The following CLYBL variants were observed in gnomAD, a reference collection of about 807,000 sequenced individuals.
The protein encoded by CLYBL is citramalyl-CoA lyase, mitochondrial.
A neutral mutation model predicts 38.9 loss-of-function variants in CLYBL; 31 were observed. That is an observed-to-expected ratio of 0.80 (90% CI 0.60 to 1.08). The LOEUF is 1.08. CLYBL is among the 50% of genes least tolerant of loss of function. The pLI, the probability that CLYBL is intolerant of heterozygous loss-of-function variation, is 0.00. For synonymous variants in CLYBL, 171 were observed against 158.6 expected (o/e 1.08, Z -0.59); for missense variants, 434 against 411.6 (o/e 1.05, Z -0.47).
At chr13:99,792,349 G>T (rs909909443) in intron 2 of CLYBL, among the ~76,000 whole-genome samples, 1 of 152,122 alleles carries the variant, frequency 6.6e-6, no homozygotes, top group African/African-American at 2.4e-5. Context: ...GGTGGGCTGG[G>T]ATTGTCTGGG....
At chr13:99,664,220 T>C (rs1375438552) in intron 1 of CLYBL, among the ~76,000 whole-genome samples, 1 of 152,260 alleles carries the variant, frequency 6.6e-6, no homozygotes, top group East Asian at 1.9e-4. Context: ...GTGTTCTTAG[T>C]ATTCTGAACT....
chr13:99,802,624 A>G (rs2050157483), intron 2 of CLYBL, among the ~76,000 whole-genome samples: 1 of 152,212 alleles, frequency 6.6e-6, no homozygotes, highest in Non-Finnish European at 1.5e-5. Context: ...AAATGAATGC[A>G]TGTATGAATG....
intron 1 of CLYBL, among the ~76,000 whole-genome samples, chr13:99,739,268 C>T (rs1265956343): frequency 6.6e-6 from 1 of 152,074 alleles, no homozygotes; most frequent in Admixed American, 6.6e-5. Context: ...CTTAGACACA[C>T]CGTGTGAACT....
intron 1 of CLYBL, among the ~76,000 whole-genome samples, chr13:99,725,482 T>C (rs2048457530): frequency 6.6e-6 from 1 of 152,210 alleles, no homozygotes; most frequent in Admixed American, 6.5e-5. Flanking sequence ...AACTGGATTC[T>C]ATTGTCATTT....
intron 1 of CLYBL, among the ~76,000 whole-genome samples, chr13:99,746,328 G>GA (rs1205745828): frequency 2.0e-5 from 3 of 150,722 alleles, no homozygotes; most frequent in African/African-American, 7.3e-5. Flanking sequence ...AACAAGCTAG[G>GA]AAATAGTCAT....
intron 2 of CLYBL, among the ~76,000 whole-genome samples, chr13:99,799,366 T>C (rs2050084628): frequency 1.5e-5 from 1 of 67,414 alleles, no homozygotes; most frequent in Non-Finnish European, 2.8e-5. Context: ...TATTGCATGA[T>C]ATACACACAT....
Position 99,864,866 on chromosome 13 carries a change from C to T in CLYBL, c.589C>T (p.Leu197=), listed in dbSNP as rs768102404. ...LKVGPQVGLF[L]DAVVFGGEDF... ...GGTCGGGCCTCAAGTAGGTCTCTTT[C>T]TAGATGCAGTCGTTTTTGGAGGAGA... The change falls in exon 5 of 9, where the codon CTA becomes TTA. Residue 197 remains leucine (L), a synonymous_variant. Coordinates refer to ENST00000339105, the MANE Select transcript of CLYBL (RefSeq NM_206808.5). 2 of 1,614,068 alleles carry T rather than the reference C, an allele frequency of 1.2e-6. No homozygotes were observed. The highest frequency in any genetic ancestry group is 1.1e-5 in the South Asian group (1 of 91,074).
chr13:99,711,725 T>A (rs2048236572), intron 1 of CLYBL, among the ~76,000 whole-genome samples: 1 of 151,228 alleles, frequency 6.6e-6, no homozygotes, highest in African/African-American at 2.4e-5. Context: ...TTTTATTTTT[T>A]AATATTTTTG....
At position 99,606,734 on chromosome 13, in the gene CLYBL, TGCG is replaced by T. The variant is rs1397941308; in HGVS notation, c.49_51del (p.Ala17del). The T allele has an allele frequency of 1.3e-6, 2 of 1,486,954 alleles. No individual in the cohort carries two copies. The highest frequency in any genetic ancestry group is 2.2e-5 in the Admixed American group (1 of 44,928). 92.1% of individuals were successfully genotyped at this position (1,486,954 alleles called of 1,614,324 possible). A position where few individuals can be genotyped will look rare whatever the true frequency, so the allele number is the denominator to read the frequency against. ...TGCTGCGGAGGGCGGCGCGCGGAGC[TGCG>T]GCGGCGGCGCTGCTGAGGCTGTGAG... On this transcript the variant is annotated inframe_deletion, in exon 1 of 9. Transcript: ENST00000339105.
chr13:99,801,297 A>G (rs1403554043), intron 2 of CLYBL, among the ~76,000 whole-genome samples: 5 of 152,260 alleles, frequency 3.3e-5, no homozygotes, highest in Admixed American at 1.3e-4. Flanking sequence ...GATATTTATC[A>G]AATACAGTTT....
At chr13:99,709,091 T>TA (rs928043889) in intron 1 of CLYBL, among the ~76,000 whole-genome samples, 8 of 149,748 alleles carry the variant, frequency 5.3e-5, no homozygotes, top group South Asian at 4.3e-4. Flanking sequence ...AGACTCTGTC[T>TA]AAAAAAAAAG....
intron 2 of CLYBL, among the ~76,000 whole-genome samples, chr13:99,796,392 G>C (rs7989523): frequency 0.21 from 32,135 of 152,142 alleles, 3,518 homozygotes; most frequent in East Asian, 0.25. Context: ...GGGCCAGGCT[G>C]TGGAGCTGAC....
At chr13:99,819,095 C>T (rs1333231168) in intron 2 of CLYBL, among the ~76,000 whole-genome samples, 1 of 151,960 alleles carries the variant, frequency 6.6e-6, no homozygotes, top group African/African-American at 2.4e-5. Flanking sequence ...CCTGTAATTC[C>T]AGCACTTTGG....
At position 99,606,899 on chromosome 13, in the gene CLYBL, G is replaced by T. The variant is rs187370151; in HGVS notation, c.62+142G>T. ...CGGAAGCACCATGCGCCTCCCACGC[G>T]CTGGCTCGACCTCGTCCAAGGTCGC... On this transcript the variant is annotated intron_variant, in intron 1 of 8. Transcript: ENST00000339105. 2,154 of 1,258,562 alleles carry T rather than the reference G, an allele frequency of 1.7e-3. 10 individuals are homozygous for T. The highest frequency in any genetic ancestry group is 0.011 in the Middle Eastern group (37 of 3,272). 78.0% of individuals were successfully genotyped at this position (1,258,562 alleles called of 1,614,324 possible). A position where few individuals can be genotyped will look rare whatever the true frequency, so the allele number is the denominator to read the frequency against.
intron 2 of CLYBL, among the ~76,000 whole-genome samples, chr13:99,854,119 A>G (rs996490079): frequency 2.6e-5 from 4 of 152,164 alleles, no homozygotes; most frequent in South Asian, 2.1e-4. Context: ...TGGAGTCTAG[A>G]AAGTCTTTCC....
At chr13:99,668,517 C>T (rs1363901904) in intron 1 of CLYBL, among the ~76,000 whole-genome samples, 8 of 145,236 alleles carry the variant, frequency 5.5e-5, no homozygotes, top group East Asian at 4.0e-4. Flanking sequence ...ACCTGGGAGG[C>T]GGAGGTTGCA....
chr13:99,629,470 G>T (rs1027779545), intron 1 of CLYBL, among the ~76,000 whole-genome samples: 2 of 152,150 alleles, frequency 1.3e-5, no homozygotes, highest in Admixed American at 6.5e-5. Flanking sequence ...TCTGGGCAGC[G>T]CTCTCCCTGC....
chr13:99,778,921 G>T (rs1321083512), intron 2 of CLYBL, among the ~76,000 whole-genome samples: 3 of 152,050 alleles, frequency 2.0e-5, no homozygotes, highest in South Asian at 4.1e-4. Flanking sequence ...AAGTATTTAA[G>T]TATTTAAATG....
At chr13:99,764,886 C>T (rs1368807953) in intron 1 of CLYBL, among the ~76,000 whole-genome samples, 2 of 151,166 alleles carry the variant, frequency 1.3e-5, no homozygotes, top group African/African-American at 2.4e-5. Flanking sequence ...TCACAGGTCT[C>T]GCTATGTTGT....
Sources: allele counts gnomAD v4.1 joint callset (sites outside exome capture counted in the v4.1 genomes callset), GRCh38; gene constraint gnomAD v4.1.1; transcripts MANE v1.5; gene names NCBI Gene and HGNC (gene_info 2026-07-23, HGNC 2026-07-21).